The following SRBD1 variants were observed in gnomAD, a reference collection of about 807,000 sequenced individuals.
The protein encoded by SRBD1 is S1 RNA-binding domain-containing protein 1.
A neutral mutation model predicts 115.3 loss-of-function variants in SRBD1; 88 were observed. The ratio of observed to expected loss-of-function variants is 0.76; its 90% confidence interval spans 0.64 to 0.91. The LOEUF (loss-of-function observed/expected upper bound fraction) is 0.91. Among genes scored for constraint, SRBD1 ranks in the 40% least tolerant of loss-of-function variants. The probability of loss-of-function intolerance (pLI) is 0.00; values close to 1 mark genes in which losing one functional copy is unlikely to be tolerated. For missense variants in SRBD1, 1,385 were observed against 1,177.4 expected (o/e 1.18, Z -2.58); for synonymous variants, 509 against 407.7 (o/e 1.25, Z -2.99).
At chr2:45,501,723 G>A (rs553182588) in intron 14 of SRBD1, among the ~76,000 whole-genome samples, 1 of 152,310 alleles carries the variant, frequency 6.6e-6, no homozygotes, top group South Asian at 2.1e-4. Context: ...GAACTGCAAA[G>A]CGGCAGCAAG....
Position 45,599,844 on chromosome 2 carries a change from C to CCA in SRBD1, c.262-11_262-10dup. 1.9e-6 allele frequency: 3 copies of CCA among 1,597,470 alleles called. No homozygotes were observed. Among genetic ancestry groups the CCA allele is most frequent in the Non-Finnish European group, 2.6e-6 (3 of 1,173,896 alleles). ...ATAGCCACAGAGCTATTCTATCAAACCACAAAGAGAACATATGAGAATTAG... is the reference window on the plus strand; with the variant it reads ...ATAGCCACAGAGCTATTCTATCAAACCACACAAAGAGAACATATGAGAATTAG... On this transcript the variant is annotated splice_polypyrimidine_tract_variant and intron_variant, in intron 3 of 20. Transcript: ENST00000263736.
chr2:45,596,258 CCCT>C (rs1334996562), intron 4 of SRBD1, among the ~76,000 whole-genome samples: 2 of 152,172 alleles, frequency 1.3e-5, no homozygotes, highest in African/African-American at 2.4e-5. Flanking sequence ...ATACACTTGT[CCCT>C]CCTCATTCTA....
intron 19 of SRBD1, among the ~76,000 whole-genome samples, chr2:45,411,716 A>G (rs1178453512): frequency 6.6e-6 from 1 of 152,252 alleles, no homozygotes; most frequent in African/African-American, 2.4e-5. Flanking sequence ...AAAGAAAAAA[A>G]TCGTAAAGAA....
At chr2:45,514,484 C>T (rs1459774187) in intron 14 of SRBD1, among the ~76,000 whole-genome samples, 1 of 152,168 alleles carries the variant, frequency 6.6e-6, no homozygotes, top group Non-Finnish European at 1.5e-5. Flanking sequence ...TGCTTTACCA[C>T]TGCGTTTAAC....
At chr2:45,486,734 AAAAAT>A (rs1296196487) in intron 15 of SRBD1, among the ~76,000 whole-genome samples, 1 of 151,002 alleles carries the variant, frequency 6.6e-6, no homozygotes, top group African/African-American at 2.4e-5. Flanking sequence ...CCATCTCAAA[AAAAAT>A]AAAATAAAAT....
At chr2:45,539,107 C>T (rs921148395) in intron 14 of SRBD1, among the ~76,000 whole-genome samples, 1 of 151,518 alleles carries the variant, frequency 6.6e-6, no homozygotes, top group African/African-American at 2.4e-5. Context: ...GCAAATTTTA[C>T]ATTTAAAGAA....
At chr2:45,530,561 A>G (rs549917426) in intron 14 of SRBD1, among the ~76,000 whole-genome samples, 1 of 152,198 alleles carries the variant, frequency 6.6e-6, no homozygotes, top group South Asian at 2.1e-4. Flanking sequence ...TCTCCTGTCT[A>G]TGACTATGAT....
intron 1 of SRBD1, among the ~76,000 whole-genome samples, chr2:45,608,396 T>C (rs1049483043): frequency 6.6e-6 from 1 of 152,216 alleles, no homozygotes; most frequent in African/African-American, 2.4e-5. Context: ...GCTGAAGACT[T>C]GGAAATTATG....
chr2:45,413,931 CAAAAAAAAA>C (rs1021508511), intron 18 of SRBD1, among the ~76,000 whole-genome samples: 42 of 146,838 alleles, frequency 2.9e-4, no homozygotes, highest in Middle Eastern at 3.5e-3. Context: ...GAGACTGTCT[CAAAAAAAAA>C]GAAAGAAAAG....
chr2:45,415,511 T>C (rs1393538037), intron 18 of SRBD1, among the ~76,000 whole-genome samples: 1 of 147,252 alleles, frequency 6.8e-6, no homozygotes, highest in Admixed American at 6.8e-5. Flanking sequence ...ATATAGTGTG[T>C]ATGTGTATAT....
At chr2:45,540,478 C>T (rs1399769567) in intron 14 of SRBD1, among the ~76,000 whole-genome samples, 1 of 151,446 alleles carries the variant, frequency 6.6e-6, no homozygotes, top group Non-Finnish European at 1.5e-5. Flanking sequence ...CCAAAATTTC[C>T]AGAATAGAAA....
At chr2:45,517,118 C>G (rs1052496491) in intron 14 of SRBD1, among the ~76,000 whole-genome samples, 3 of 152,182 alleles carry the variant, frequency 2.0e-5, no homozygotes, top group Admixed American at 2.0e-4. Flanking sequence ...AATTCATACA[C>G]AGTAATGAGG....
At chr2:45,411,189 T>G (rs931416915) in intron 19 of SRBD1, among the ~76,000 whole-genome samples, 1 of 152,144 alleles carries the variant, frequency 6.6e-6, no homozygotes, top group African/African-American at 2.4e-5. Context: ...CCAGGTGACG[T>G]CTGCTGGATA....
intron 14 of SRBD1, 81 bp from the exon 15 acceptor site, chr2:45,488,412 T>TA: frequency 8.3e-7 from 1 of 1,209,560 alleles, no homozygotes; most frequent in Admixed American, 2.1e-5. Context: ...AACCAGGCAT[T>TA]ACCAGAAAAA....
At chr2:45,548,764 T>C (rs568878071) in intron 12 of SRBD1, among the ~76,000 whole-genome samples, 6 of 142,190 alleles carry the variant, frequency 4.2e-5, no homozygotes, top group Non-Finnish European at 9.2e-5. Context: ...GGCTGTAAAA[T>C]GAACAGCATA....
chr2:45,558,584 A>G (rs974236677), intron 10 of SRBD1, among the ~76,000 whole-genome samples: 2 of 152,122 alleles, frequency 1.3e-5, no homozygotes, highest in African/African-American at 2.4e-5. Context: ...TAATGACAAG[A>G]CTGCCATTTA....
chr2:45,407,997 A>T (rs976945555), intron 19 of SRBD1, among the ~76,000 whole-genome samples: 2 of 152,230 alleles, frequency 1.3e-5, no homozygotes, highest in Non-Finnish European at 2.9e-5. Context: ...AGACTATCAT[A>T]AACATGAAAA....
chr2:45,545,675 C>G (rs548435754), intron 14 of SRBD1, among the ~76,000 whole-genome samples: 1 of 152,298 alleles, frequency 6.6e-6, no homozygotes, highest in South Asian at 2.1e-4. Context: ...AAATTACAAC[C>G]AGAGAAAGAG....
chr2:45,607,127 A>T (rs992858532), intron 1 of SRBD1, among the ~76,000 whole-genome samples: 9 of 152,226 alleles, frequency 5.9e-5, no homozygotes, highest in African/African-American at 2.2e-4. Flanking sequence ...TTTTTGGCAT[A>T]TTAGGTTATA....
Sources: gnomAD v4.1 joint callset for allele counts (sites outside exome capture counted in the v4.1 genomes callset) on GRCh38, gnomAD v4.1.1 for gene constraint, MANE v1.5 for transcripts, NCBI Gene and HGNC (gene_info 2026-07-23, HGNC 2026-07-21) for gene names.